Variants in BAZ2B observed in about 807,000 individuals in gnomAD.
BAZ2B encodes bromodomain adjacent to zinc finger domain protein 2B.
A neutral mutation model predicts 246.0 loss-of-function variants in BAZ2B; 91 were observed. That is an observed-to-expected ratio of 0.37 (90% CI 0.31 to 0.44). The LOEUF is 0.44. BAZ2B is among the 20% of genes least tolerant of loss of function. The pLI, the probability that BAZ2B is intolerant of heterozygous loss-of-function variation, is 1.00. For synonymous variants in BAZ2B, 855 were observed against 860.0 expected (o/e 0.99, Z 0.10); for missense variants, 2,332 against 2,533.7 (o/e 0.92, Z 1.71).
intron 25 of BAZ2B, among the ~76,000 whole-genome samples, chr2:159,382,314 T>C (rs2062083864): frequency 6.6e-6 from 1 of 152,160 alleles, no homozygotes; most frequent in Non-Finnish European, 1.5e-5. Context: ...AGAAATTATA[T>C]TAAAAAAACT....
the BAZ2B span, among the ~76,000 whole-genome samples, chr2:159,696,632 C>T: frequency 6.6e-6 from 1 of 152,170 alleles, no homozygotes; most frequent in Non-Finnish European, 1.5e-5. Context: ...CAGTTTTTCC[C>T]AGATCACCCT....
intron 1 of BAZ2B, among the ~76,000 whole-genome samples, chr2:159,579,875 A>G (rs541243998): frequency 2.0e-5 from 3 of 152,338 alleles, no homozygotes; most frequent in African/African-American, 7.2e-5. Context: ...ACAGCCCTTC[A>G]TGCTAAAACC....
At chr2:159,669,657 T>C in the BAZ2B span, among the ~76,000 whole-genome samples, 8 of 152,328 alleles carry the variant, frequency 5.3e-5, no homozygotes, top group East Asian at 1.5e-3. Context: ...CCTCTGATAA[T>C]ACCCTCAGTC....
chr2:159,348,778 G>C lies in BAZ2B; in HGVS notation c.5193C>G (p.Leu1731=). The part of the protein sequence containing the change: ...IIDPEDLKAL[L]KVLHLRGIRE... ...TTATTCCTCTGAGATGCAGCACTTT[G>C]AGCAAAGCTTTTAGGTCCTCTGGGT... is the stretch of plus-strand genomic sequence containing the variant. Residue 1731 remains leucine, a synonymous_variant, in exon 30 of 37, where the codon CTC becomes CTG. Coordinates refer to ENST00000392783, the MANE Select transcript of BAZ2B (RefSeq NM_013450.4). 9 of 1,613,092 alleles carry C rather than the reference G, an allele frequency of 5.6e-6. No individual in the cohort carries two copies. The highest frequency in any genetic ancestry group is 7.6e-6 in the Non-Finnish European group (9 of 1,179,782).
At chr2:159,617,190 T>C (rs1290006156), upstream of BAZ2B, 1 of 152,214 alleles carries the variant, frequency 6.6e-6, no homozygotes, top group African/African-American at 2.4e-5. Flanking sequence ...TTGTAGGCAC[T>C]GAACACTTTT....
chr2:159,544,047 T>C (rs1054519976), intron 2 of BAZ2B, among the ~76,000 whole-genome samples: 1 of 152,220 alleles, frequency 6.6e-6, no homozygotes, highest in Non-Finnish European at 1.5e-5. Context: ...GTCCTTTTCC[T>C]TTTAGAGTTT....
chr2:159,596,769 A>G (rs1690822757), intron 1 of BAZ2B, among the ~76,000 whole-genome samples: 1 of 152,202 alleles, frequency 6.6e-6, no homozygotes. Context: ...CCCACTTATG[A>G]GTGAGAACAT....
At chr2:159,466,667 A>T (rs2077089938) in intron 3 of BAZ2B, among the ~76,000 whole-genome samples, 1 of 152,216 alleles carries the variant, frequency 6.6e-6, no homozygotes, top group South Asian at 2.1e-4. Context: ...ATGATTTATT[A>T]TAAGGAATCG....
rs1440262417 is a variant in BAZ2B at position 159,480,814 on chromosome 2, A to G, written c.-2-2093T>C. Among the ~76,000 whole-genome samples the G allele has an allele frequency of 4.6e-5, 7 of 152,102 alleles. No individual in the cohort carries two copies. The South Asian group carries it at 1.2e-3, about 27-fold the overall frequency. On this transcript the variant is annotated intron_variant, in intron 2 of 36. Coordinates refer to ENST00000392783, the MANE Select transcript of BAZ2B (RefSeq NM_013450.4). Reference sequence around the variant, plus strand: ...TAAGAAGGGGCTTAACTTCTTAAAAACATATGCTTATGTAACCATTTTCCT... The same window carrying G: ...TAAGAAGGGGCTTAACTTCTTAAAAGCATATGCTTATGTAACCATTTTCCT...
chr2:159,700,069 C>G, the BAZ2B span, among the ~76,000 whole-genome samples: 3 of 152,342 alleles, frequency 2.0e-5, no homozygotes, highest in East Asian at 5.8e-4. Flanking sequence ...AATCACCTCA[C>G]AAGTGCTCCA....
Position 159,373,029 on chromosome 2 carries a change from G to A in BAZ2B, c.4213+16C>T. The A allele has an allele frequency of 1.3e-6, 2 of 1,598,490 alleles. No individual in the cohort carries two copies. Among genetic ancestry groups the A allele is most frequent in the Non-Finnish European group, 1.7e-6 (2 of 1,174,812 alleles). Reference sequence around the variant, plus strand: ...GTTTCTTATTTAACAATTTGTATCGGATTATGAGTTCTAACCTTCACCACT... The same window carrying A: ...GTTTCTTATTTAACAATTTGTATCGAATTATGAGTTCTAACCTTCACCACT... On this transcript the variant is annotated intron_variant, in intron 27 of 36. Transcript: ENST00000392783.
intron 13 of BAZ2B, among the ~76,000 whole-genome samples, chr2:159,422,616 T>C (rs1452711719): frequency 2.0e-5 from 3 of 152,034 alleles, no homozygotes; most frequent in Non-Finnish European, 4.4e-5. Flanking sequence ...AAGACTTAAA[T>C]TCCTAGGAAC....
intron 17 of BAZ2B, among the ~76,000 whole-genome samples, chr2:159,399,742 G>A (rs1375220179): frequency 6.6e-6 from 1 of 152,076 alleles, no homozygotes; most frequent in East Asian, 1.9e-4. Flanking sequence ...TCAGCTATCC[G>A]GAGCCCTCAG....
intron 1 of BAZ2B, among the ~76,000 whole-genome samples, chr2:159,581,926 G>T (rs1023227371): frequency 1.8e-5 from 2 of 108,906 alleles, no homozygotes; most frequent in South Asian, 3.7e-4. Context: ...CTGTCGGGTG[G>T]GGGGAGGGGG....
At chr2:159,439,818 G>A (rs1185047919) in intron 6 of BAZ2B, among the ~76,000 whole-genome samples, 1 of 151,950 alleles carries the variant, frequency 6.6e-6, no homozygotes, top group African/African-American at 2.4e-5. Flanking sequence ...TAGGGTCAAG[G>A]AATTTAACTG....
intron 1 of BAZ2B, among the ~76,000 whole-genome samples, chr2:159,571,158 T>A (rs1683920701): frequency 6.6e-6 from 1 of 152,174 alleles, no homozygotes; most frequent in Non-Finnish European, 1.5e-5. Flanking sequence ...TCAGCCAGGA[T>A]TTTCTTTTTA....
chr2:159,433,389 C>T, intron 8 of BAZ2B, 26 bp from the exon 9 acceptor site: 1 of 1,570,554 alleles, frequency 6.4e-7, no homozygotes, highest in Non-Finnish European at 8.6e-7. Flanking sequence ...TTAAAAAACA[C>T]AACAAAATGT....
At chr2:159,476,652 GC>G (rs1274554563) in intron 3 of BAZ2B, among the ~76,000 whole-genome samples, 11 of 152,126 alleles carry the variant, frequency 7.2e-5, no homozygotes, top group African/African-American at 2.2e-4. Flanking sequence ...TGCTATTGAA[GC>G]CTTCAAATAA....
chr2:159,573,493 A>T (rs1475775579), intron 1 of BAZ2B, among the ~76,000 whole-genome samples: 2 of 152,198 alleles, frequency 1.3e-5, no homozygotes, highest in African/African-American at 4.8e-5. Context: ...CCTACCTCAC[A>T]CCATACACAA....
Sources: allele counts gnomAD v4.1 joint callset (sites outside exome capture counted in the v4.1 genomes callset), GRCh38; gene constraint gnomAD v4.1.1; transcripts MANE v1.5; gene names NCBI Gene and HGNC (gene_info 2026-07-23, HGNC 2026-07-21).